Variants in RGS1 observed in about 807,000 individuals in gnomAD.
RGS1 encodes the protein B-cell activation protein BL34.
A neutral mutation model predicts 22.2 loss-of-function variants in RGS1; 11 were observed. The observed-to-expected ratio is 0.50, with a 90% CI of 0.31 to 0.82. The LOEUF (loss-of-function observed/expected upper bound fraction) is 0.82. Among genes scored for constraint, RGS1 ranks in the 40% least tolerant of loss-of-function variants. The probability of loss-of-function intolerance (pLI) is 0.04; values close to 1 mark genes in which losing one functional copy is unlikely to be tolerated. For synonymous variants in RGS1, 81 were observed against 79.9 expected (o/e 1.01, Z -0.07); for missense variants, 255 against 245.8 (o/e 1.04, Z -0.25).
intron 2 of RGS1, 70 bp downstream of exon 2, chr1:192,576,435 C>G (rs573246885): frequency 1.9e-5 from 22 of 1,139,684 alleles, no homozygotes; most frequent in Non-Finnish European, 2.5e-5. Flanking sequence ...CTCTATATCC[C>G]AGCAAGGGAT....
rs770535912 is a variant in RGS1, at chr1:192,579,123, G to A, written c.445-14G>A. 4.6e-5 allele frequency: 73 copies of A among 1,599,088 alleles called. No homozygotes were observed. In the East Asian group the frequency reaches 1.3e-3, roughly 29 times the overall value. ...AGAAAAGTATATATTAGCTAACAAGGTTTTCTTTTTTAGATCAATATTGAC... is the reference window on the plus strand; with the variant it reads ...AGAAAAGTATATATTAGCTAACAAGATTTTCTTTTTTAGATCAATATTGAC... On this transcript the variant is annotated splice_polypyrimidine_tract_variant and intron_variant, in intron 4 of 4. Coordinates refer to ENST00000367459, the MANE Select transcript of RGS1 (RefSeq NM_002922.4).
At chr1:192,576,051 C>T (rs1662053753) in intron 1 of RGS1, 122 bp downstream of exon 1, 3 of 1,161,690 alleles carry the variant, frequency 2.6e-6, no homozygotes, top group Non-Finnish European at 2.4e-6. Context: ...GAGTTAATTG[C>T]CTGTTGTGAG....
chr1:192,578,069 A>G, intron 3 of RGS1, 153 bp from the exon 4 acceptor site: 4 of 902,946 alleles, frequency 4.4e-6, no homozygotes, highest in South Asian at 1.8e-5. Flanking sequence ...CATCTCTACA[A>G]TCTATAACAC....
intron 2 of RGS1, 160 bp from the exon 3 acceptor site, chr1:192,576,614 A>C (rs1644553085): frequency 1.4e-6 from 1 of 697,312 alleles, no homozygotes; most frequent in Non-Finnish European, 2.3e-6. Context: ...TAACTATAGT[A>C]ACTCTAAGGG....
intron 3 of RGS1, 156 bp downstream of exon 3, chr1:192,576,991 A>T (rs1662073166): frequency 2.0e-6 from 1 of 511,994 alleles, no homozygotes. Flanking sequence ...ATGCCTCTTA[A>T]TAATGCTGAC....
rs948250852 is a variant in RGS1 at position 192,579,132 on chromosome 1, T to C, written c.445-5T>C. ...TATATTAGCTAACAAGGTTTTCTTTTTTAGATCAATATTGACTTCCGCACT... is the reference window on the plus strand; with the variant it reads ...TATATTAGCTAACAAGGTTTTCTTTCTTAGATCAATATTGACTTCCGCACT... On this transcript the variant is annotated splice_polypyrimidine_tract_variant and splice_region_variant and intron_variant, in intron 4 of 4. Transcript: ENST00000367459. The C allele has an allele frequency of 5.6e-6, 9 of 1,601,396 alleles. No homozygotes were observed. The highest frequency in any genetic ancestry group is 7.6e-6 in the Non-Finnish European group (9 of 1,176,480).
At chr1:192,577,093 G>C in intron 3 of RGS1, 1 of 360,926 alleles carries the variant, frequency 2.8e-6, no homozygotes, top group Non-Finnish European at 4.9e-6. Context: ...ATTAAACATT[G>C]TGCTGGGATT....
intron 4 of RGS1, 109 bp from the exon 5 acceptor site, chr1:192,579,028 T>C (rs1662117487): frequency 9.7e-7 from 1 of 1,028,750 alleles, no homozygotes; most frequent in Non-Finnish European, 1.4e-6. Flanking sequence ...TTTGAATTGA[T>C]TTAAATGAGG....
intron 4 of RGS1, 150 bp downstream of exon 4, chr1:192,578,535 A>G: frequency 4.7e-6 from 4 of 853,444 alleles, no homozygotes; most frequent in Non-Finnish European, 5.3e-6. Context: ...CAGTGCAATG[A>G]GAATCTAATT....
Position 192,579,382 on chromosome 1 carries a change from A to G in RGS1, c.*60A>G. The stretch of plus-strand genomic sequence containing the variant: ...TCAAGCGCAGAAGGAATGTGCCAGT[A>G]TGGCTCCCTGGGTGAACAGCTTGGC... On this transcript the variant is annotated 3_prime_UTR_variant, in exon 5 of 5. Transcript: ENST00000367459. 1.3e-6 allele frequency: 2 copies of G among 1,539,820 alleles called. No homozygotes were observed. The highest frequency in any genetic ancestry group is 2.3e-5 in the East Asian group (1 of 44,004).
rs761417613 is a variant in RGS1, at chr1:192,578,202, C to T, written c.281-20C>T. On this transcript the variant is annotated intron_variant, in intron 3 of 4. Transcript: ENST00000367459. ...CATTTAATTTAATTATCTCCCCACC[C>T]ACCCCTCGTTTCTTTTTAGCTGGTC... is the stretch of plus-strand genomic sequence containing the variant. The T allele has an allele frequency of 3.1e-6, 5 of 1,591,970 alleles. No homozygotes were observed. Among genetic ancestry groups the T allele is most frequent in the Admixed American group, 3.6e-5 (2 of 55,644 alleles).
chr1:192,577,021 A>G, intron 3 of RGS1, 186 bp downstream of exon 3: 1 of 430,896 alleles, frequency 2.3e-6, no homozygotes, highest in East Asian at 3.5e-5. Flanking sequence ...AATTCTGCCA[A>G]CTCCTTTTAG....
chr1:192,577,146 T>G (rs1662075624), intron 3 of RGS1: 2 of 269,654 alleles, frequency 7.4e-6, no homozygotes, highest in South Asian at 1.3e-4. Flanking sequence ...TATTTTAATA[T>G]GTACATTGCC....
At chr1:192,578,759 G>T in intron 4 of RGS1, 1 of 385,252 alleles carries the variant, frequency 2.6e-6, no homozygotes, top group Non-Finnish European at 4.6e-6. Flanking sequence ...CCAATTAACA[G>T]TATTACCAGA....
Position 192,575,897 on chromosome 1 carries a change from C to A in RGS1, c.105C>A (p.Asp35Glu). ...ELKGTTHSLL[D>E]DKMQKRRPKT... ...AAGGAACCACTCATTCACTTCTAGA[C>A]GACAAAATGCAAAAAAGGAGGCCAA... The change falls in exon 1 of 5, where the codon GAC becomes GAA. Residue 35 changes from aspartate (D) to glutamate (E), a missense_variant. Asp to Glu is a conservative substitution (Grantham distance 45). Transcript: ENST00000367459. The A allele has an allele frequency of 6.2e-7, 1 of 1,613,096 alleles. No homozygotes were observed. Among genetic ancestry groups the A allele is most frequent in the Non-Finnish European group, 8.5e-7 (1 of 1,179,324 alleles).
chr1:192,579,444 T>A lies in RGS1; in HGVS notation c.*122T>A. On this transcript the variant is annotated 3_prime_UTR_variant, in exon 5 of 5. Transcript: ENST00000367459. ...GTCTTGACAGGCCAAGAAGAACAAA[T>A]GACTCAGAATGGATTAACATGAAAG... The A allele has an allele frequency of 2.5e-6, 2 of 807,242 alleles. No homozygotes were observed. 50.0% of individuals were successfully genotyped at this position (807,242 alleles called of 1,614,324 possible). A position where few individuals can be genotyped will look rare whatever the true frequency, so the allele number is the denominator to read the frequency against.
rs995183259 is a variant in RGS1, at chr1:192,576,479, A to C, written c.218+114A>C. The C allele has an allele frequency of 8.1e-5, 60 of 743,692 alleles. No individual in the cohort carries two copies. In the African/African-American group the frequency reaches 1.0e-3, roughly 12 times the overall value. 46.1% of individuals were successfully genotyped at this position (743,692 alleles called of 1,614,324 possible). A position where few individuals can be genotyped will look rare whatever the true frequency, so the allele number is the denominator to read the frequency against. On this transcript the variant is annotated intron_variant, in intron 2 of 4. Coordinates refer to ENST00000367459, the MANE Select transcript of RGS1 (RefSeq NM_002922.4). ...CGCACAGTAGACTTCATTTCTTTTA[A>C]GTAACATGCCAAATAAAATTAGACT...
rs138179272 is a variant in RGS1, at chr1:192,575,855, T to A, written c.63T>A (p.Ala21=). 132 of 1,613,330 alleles carry A rather than the reference T, an allele frequency of 8.2e-5. No individual in the cohort carries two copies. Among genetic ancestry groups the A allele is most frequent in the Non-Finnish European group, 9.7e-5 (114 of 1,179,532 alleles). ...AAATGCCAGGAATGTTCTTCTCTGC[T>A]AACCCAAAGGAATTGAAAGGAACCA... ...LDKMPGMFFS[A]NPKELKGTTH... Residue 21 remains alanine, a synonymous_variant, in exon 1 of 5, where the codon GCT becomes GCA. Coordinates refer to ENST00000367459, the MANE Select transcript of RGS1 (RefSeq NM_002922.4).
Position 192,579,301 on chromosome 1 carries a change from G to A in RGS1, c.609G>A (p.Leu203=). 2.5e-6 allele frequency: 4 copies of A among 1,612,706 alleles called. No individual in the cohort carries two copies. Among genetic ancestry groups the A allele is most frequent in the Non-Finnish European group, 3.4e-6 (4 of 1,179,196 alleles). The change falls in exon 5 of 5, where the codon CTG becomes CTA. Residue 203 remains leucine (L), a synonymous_variant. Coordinates refer to ENST00000367459, the MANE Select transcript of RGS1 (RefSeq NM_002922.4). ...SDIYLNLLND[L]QANSLK The stretch of plus-strand genomic sequence containing the variant: ...TTTACTTAAATCTTCTAAATGACCT[G>A]CAGGCTAATAGCCTAAAGTGACTGG...
Sources: gnomAD v4.1 joint callset for allele counts on GRCh38, gnomAD v4.1.1 for gene constraint, MANE v1.5 for transcripts, NCBI Gene and HGNC (gene_info 2026-07-23, HGNC 2026-07-21) for gene names.